The following SERPINB4 variants were observed in gnomAD, a reference collection of about 807,000 sequenced individuals.
The protein encoded by SERPINB4 is serpin B4.
Under a neutral mutation model 33.2 loss-of-function variants are expected in SERPINB4, and 39 were observed. The observed-to-expected ratio is 1.18, with a 90% CI of 0.91 to 1.53. SERPINB4 has a LOEUF of 1.53. Among genes scored for constraint, SERPINB4 ranks in the 40% most tolerant of loss-of-function variants. The pLI, the probability that SERPINB4 is intolerant of heterozygous loss-of-function variation, is 0.00. For synonymous variants in SERPINB4, 191 were observed against 166.4 expected (o/e 1.15, Z -1.14); for missense variants, 564 against 455.4 (o/e 1.24, Z -2.17).
chr18:63,643,320 C>T (rs1030859597), intron 2 of SERPINB4, 93 bp downstream of exon 2: 52 of 1,607,316 alleles, frequency 3.2e-5, no homozygotes, highest in Non-Finnish European at 3.8e-5. Flanking sequence ...CCTGTGCTAC[C>T]CATCAGACCA....
intron 7 of SERPINB4, 74 bp downstream of exon 7, chr18:63,639,111 T>C: frequency 6.8e-7 from 1 of 1,465,502 alleles, no homozygotes; most frequent in Non-Finnish European, 9.1e-7. Context: ...CATAAGCTTT[T>C]ACCTTGTTTA....
At position 63,637,998 on chromosome 18, in the gene SERPINB4, C is replaced by A. The variant is rs776882459; in HGVS notation, c.894G>T (p.Thr298=). Residue 298 remains threonine (T), a synonymous_variant, in exon 8 of 8, where the codon ACG becomes ACT. Transcript: ENST00000341074. ...TATTCACCATTCCCATGGTTCTCAA[C>A]GTGTCCTTGAGGTCATAGCTCTCTT... is the stretch of plus-strand genomic sequence containing the variant. ...KMEESYDLKD[T]LRTMGMVNIF... 31 of 1,613,618 alleles carry A rather than the reference C, an allele frequency of 1.9e-5. No individual in the cohort carries two copies. The East Asian group carries it at 6.0e-4, about 31-fold the overall frequency.
rs771330853 is a variant in SERPINB4 at position 63,639,639 on chromosome 18, T to G, written c.607A>C (p.Asn203His). ...AAATAAAATATAGACAATACCTTGTTTGGCCAAAATTTTTCCTCTTTAGTG... is the reference window on the plus strand; with the variant it reads ...AAATAAAATATAGACAATACCTTGTGTGGCCAAAATTTTTCCTCTTTAGTG... ...ENTKEEKFWPNKNTYKSVQMM... is the reference protein window; with the variant it reads ...ENTKEEKFWPHKNTYKSVQMM... The change falls in exon 6 of 8, where the codon AAC becomes CAC. Residue 203 changes from asparagine (N) to histidine (H), a missense_variant. Physicochemically the swap from Asn to His is moderately conservative, Grantham distance 68. Transcript: ENST00000341074. 1.1e-5 allele frequency: 18 copies of G among 1,595,044 alleles called. No homozygotes were observed. Among genetic ancestry groups the G allele is most frequent in the Non-Finnish European group, 1.5e-5 (17 of 1,164,250 alleles).
At chr18:63,643,136 T>C (rs752564238) in intron 3 of SERPINB4, 25 bp downstream of exon 3, 11 of 1,613,018 alleles carry the variant, frequency 6.8e-6, no homozygotes, top group Middle Eastern at 1.6e-4. Context: ...GATCTAAAGC[T>C]GAACCATAGT....
intron 7 of SERPINB4, among the ~76,000 whole-genome samples, chr18:63,638,471 AC>A (rs1461192156): frequency 6.6e-6 from 1 of 151,984 alleles, no homozygotes; most frequent in Non-Finnish European, 1.5e-5. Flanking sequence ...TCTTGTGCCA[AC>A]AGCCTACTAC....
rs2144472354 is a variant in SERPINB4 at position 63,641,760 on chromosome 18, C to A, written c.351G>T (p.Gln117His). Residue 117 changes from glutamine to histidine, a missense_variant and splice_region_variant, in exon 4 of 8, where the codon CAG (glutamine) becomes CAT (histidine). Coordinates refer to ENST00000341074, the MANE Select transcript of SERPINB4 (RefSeq NM_002974.4). ...LFGEKTYQFL[Q>H]EYLDAIKKFY... ...ATGTGGGTAGGCCAGGTGAAATTAC[C>A]TGTAAAAATTGATACGTCTTTTCTC... 6.2e-7 allele frequency: 1 copy of A among 1,613,232 alleles called. No homozygotes were observed. Among genetic ancestry groups the A allele is most frequent in the South Asian group, 1.1e-5 (1 of 91,070 alleles).
At position 63,641,846 on chromosome 18, in the gene SERPINB4, G is replaced by A. The variant is rs757375781; in HGVS notation, c.265C>T (p.Leu89=). Residue 89 remains leucine (L), a synonymous_variant, in exon 4 of 8, where the codon CTG becomes TTG. Coordinates refer to ENST00000341074, the MANE Select transcript of SERPINB4 (RefSeq NM_002974.4). The part of the protein sequence containing the change: ...GNVHHQFQKL[L]TEFNKSTDAY... ...TCAGTGGATTTGTTGAATTCAGTCA[G>A]AAGCTTTTGAAACTGGTGATGAACA... The A allele has an allele frequency of 6.2e-7, 1 of 1,613,364 alleles. No individual in the cohort carries two copies. Among genetic ancestry groups the A allele is most frequent in the African/African-American group, 1.3e-5 (1 of 74,984 alleles).
At chr18:63,643,639 A>T in intron 1 of SERPINB4, 36 bp from the exon 2 acceptor site, 1 of 1,565,338 alleles carries the variant, frequency 6.4e-7, no homozygotes, top group Non-Finnish European at 8.7e-7. Context: ...GAATGACTTT[A>T]ATAAATGGAA....
chr18:63,639,792 T>C lies in SERPINB4; in HGVS notation c.470-16A>G. 1.9e-6 allele frequency: 3 copies of C among 1,602,540 alleles called. No homozygotes were observed. Among genetic ancestry groups the C allele is most frequent in the Middle Eastern group, 3.3e-4 (2 of 5,992 alleles). On this transcript the variant is annotated splice_polypyrimidine_tract_variant and intron_variant, in intron 5 of 7. Coordinates refer to ENST00000341074, the MANE Select transcript of SERPINB4 (RefSeq NM_002974.4). The stretch of plus-strand genomic sequence containing the variant: ...TTAATTTTTTCTGCAAGGGAAAGAA[T>C]AAAAGAGTCTTTTACACAAGCTACA...
chr18:63,641,844 C>T lies in SERPINB4; in HGVS notation c.267G>A (p.Leu89=). The part of the protein sequence containing the change: ...GNVHHQFQKL[L]TEFNKSTDAY... Reference sequence around the variant, plus strand: ...CATCAGTGGATTTGTTGAATTCAGTCAGAAGCTTTTGAAACTGGTGATGAA... The same window carrying T: ...CATCAGTGGATTTGTTGAATTCAGTTAGAAGCTTTTGAAACTGGTGATGAA... The change falls in exon 4 of 8, where the codon CTG becomes CTA. Residue 89 remains leucine, a synonymous_variant. Coordinates refer to ENST00000341074, the MANE Select transcript of SERPINB4 (RefSeq NM_002974.4). 6.2e-7 allele frequency: 1 copy of T among 1,613,386 alleles called. No individual in the cohort carries two copies. Among genetic ancestry groups the T allele is most frequent in the African/African-American group, 1.3e-5 (1 of 74,992 alleles).
rs1179512767 is a variant in SERPINB4 at position 63,639,312 on chromosome 18, C to T, written c.641G>A (p.Arg214Lys). Residue 214 changes from arginine to lysine, a missense_variant, in exon 7 of 8, where the codon AGG (arginine) becomes AAG (lysine). By Grantham distance (26) the Arg-to-Lys change is conservative. Transcript: ENST00000341074. ...KNTYKSVQMM[R>K]QYNSFNFALL... ...GGCAAAATTAAAGGAATTGTATTGC[C>T]TCATCATCTGTACAGATTTGTATGT... is the stretch of plus-strand genomic sequence containing the variant. 6.2e-7 allele frequency: 1 copy of T among 1,611,878 alleles called. No homozygotes were observed. Among genetic ancestry groups the T allele is most frequent in the Non-Finnish European group, 8.5e-7 (1 of 1,178,788 alleles).
rs562758523 is a variant in SERPINB4, at chr18:63,642,933, C to A, written c.222+228G>T. ...AAGCTGGAGTCTGAACCCAGCCTAT[C>A]CTGATCCAGACCTATGCTCTGAGGT... On this transcript the variant is annotated intron_variant, in intron 3 of 7. Coordinates refer to ENST00000341074, the MANE Select transcript of SERPINB4 (RefSeq NM_002974.4). The A allele has an allele frequency of 1.4e-3, 781 of 564,994 alleles. 2 individuals are homozygous for A. The highest frequency in any genetic ancestry group is 2.0e-3 in the Non-Finnish European group (642 of 318,306). 35.0% of individuals were successfully genotyped at this position (564,994 alleles called of 1,614,324 possible). A position where few individuals can be genotyped will look rare whatever the true frequency, so the allele number is the denominator to read the frequency against.
rs1912985837 is a variant in SERPINB4 at position 63,637,910 on chromosome 18, C to A, written c.982G>T (p.Val328Phe). The stretch of plus-strand genomic sequence containing the variant: ...ACCTCCACAAAGGCCTTGTGTAGGA[C>A]TTTAGATACTGAGAGACCGTGGCTC... The part of the protein sequence containing the change: ...TWSHGLSVSK[V>F]LHKAFVEVTE... Residue 328 changes from valine (V) to phenylalanine (F), a missense_variant, in exon 8 of 8, where the codon GTC becomes TTC. Physicochemically the swap from Val to Phe is conservative, Grantham distance 50. Transcript: ENST00000341074. 6.2e-7 allele frequency: 1 copy of A among 1,613,476 alleles called. No individual in the cohort carries two copies. Among genetic ancestry groups the A allele is most frequent in the Admixed American group, 1.7e-5 (1 of 59,840 alleles).
At chr18:63,640,062 T>C (rs565204248) in intron 5 of SERPINB4, among the ~76,000 whole-genome samples, 1 of 152,194 alleles carries the variant, frequency 6.6e-6, no homozygotes, top group Non-Finnish European at 1.5e-5. Flanking sequence ...TCATCTGATT[T>C]GGAATACTGA....
In SERPINB4 at chr18:63,641,802, G is replaced by A. The variant is rs747624755; in HGVS notation, c.309C>T (p.Ile103=). The change falls in exon 4 of 8, where the codon ATC becomes ATT. Residue 103 remains isoleucine, a synonymous_variant. Transcript: ENST00000341074. ...NKSTDAYELK[I]ANKLFGEKTY... is the part of the protein sequence containing the mutation. The stretch of plus-strand genomic sequence containing the variant: ...TCTTTTCTCCGAAGAGCTTGTTGGC[G>A]ATCTTCAGCTCATATGCATCAGTGG... 9.3e-6 allele frequency: 15 copies of A among 1,613,318 alleles called. No individual in the cohort carries two copies. In the East Asian group the frequency reaches 1.6e-4, roughly 17 times the overall value.
intron 4 of SERPINB4, 73 bp downstream of exon 4, chr18:63,641,687 T>A: frequency 3.7e-6 from 6 of 1,610,450 alleles, no homozygotes; most frequent in Non-Finnish European, 5.1e-6. Flanking sequence ...CTGCCTTGCT[T>A]TCTTCCATTT....
At chr18:63,643,877 C>T (rs1913226862) in intron 1 of SERPINB4, among the ~76,000 whole-genome samples, 1 of 151,998 alleles carries the variant, frequency 6.6e-6, no homozygotes, top group Non-Finnish European at 1.5e-5. Context: ...TACACTAGAG[C>T]TAGGTAGGAT....
intron 3 of SERPINB4, 107 bp downstream of exon 3, chr18:63,643,054 C>G (rs1913188308): frequency 2.9e-6 from 4 of 1,385,406 alleles, no homozygotes; most frequent in Non-Finnish European, 4.0e-6. Context: ...TCTTTGTGTC[C>G]AAGATTTTCC....
At chr18:63,642,557 G>T (rs927857613) in intron 3 of SERPINB4, among the ~76,000 whole-genome samples, 4 of 152,014 alleles carry the variant, frequency 2.6e-5, no homozygotes, top group Admixed American at 1.3e-4. Context: ...TTTAAATCTA[G>T]AACTTTCTAC....
Sources: allele counts gnomAD v4.1 joint callset (sites outside exome capture counted in the v4.1 genomes callset), GRCh38; gene constraint gnomAD v4.1.1; transcripts MANE v1.5; gene names NCBI Gene and HGNC (gene_info 2026-07-23, HGNC 2026-07-21).